Variants in PCDH15 observed in about 807,000 individuals in gnomAD.
PCDH15 encodes protocadherin related 15.
Under a neutral mutation model 178.5 loss-of-function variants are expected in PCDH15, and 129 were observed. The observed-to-expected ratio is 0.72, with a 90% CI of 0.63 to 0.84. PCDH15 has a LOEUF of 0.84. Among genes scored for constraint, PCDH15 ranks in the 40% least tolerant of loss-of-function variants. The pLI is 0.00. For missense variants in PCDH15, 2,230 were observed against 2,099.9 expected (o/e 1.06, Z -1.21); for synonymous variants, 800 against 732.0 (o/e 1.09, Z -1.50).
rs746393810 is a variant in PCDH15, at chr10:53,822,138, G to T, written c.4368-1908C>A. ...ACACACTGTCGTTGTTGATAGCTGT[G>T]TCATAGAGGACTTAATTTTCTCGGC... On this transcript the variant is annotated intron_variant, in intron 32 of 37. Coordinates refer to ENST00000644397, the MANE Select transcript of PCDH15 (RefSeq NM_001384140.1). 3.1e-6 allele frequency: 5 copies of T among 1,614,034 alleles called. No individual in the cohort carries two copies. In the South Asian group the frequency reaches 3.3e-5, roughly 11 times the overall value.
At chr10:55,495,249 A>T (rs1056001038) in intron 2 of PCDH15, among the ~76,000 whole-genome samples, 1 of 151,790 alleles carries the variant, frequency 6.6e-6, no homozygotes, top group African/African-American at 2.4e-5. Context: ...AAATATACAT[A>T]AACATATATA....
chr10:55,145,615 T>C (rs1838485938), intron 2 of PCDH15, among the ~76,000 whole-genome samples: 1 of 152,014 alleles, frequency 6.6e-6, no homozygotes, highest in African/African-American at 2.4e-5. Context: ...GTTGTGTGTT[T>C]TGGAAGTAGA....
At chr10:55,091,822 T>C (rs1286148880) in intron 2 of PCDH15, among the ~76,000 whole-genome samples, 82 of 151,904 alleles carry the variant, frequency 5.4e-4, no homozygotes, top group Non-Finnish European at 1.5e-4. Flanking sequence ...ACTCCTGTAA[T>C]TTTGATACAA....
At chr10:55,014,243 C>A (rs1840117050) in intron 2 of PCDH15, among the ~76,000 whole-genome samples, 1 of 151,922 alleles carries the variant, frequency 6.6e-6, no homozygotes, top group African/African-American at 2.4e-5. Flanking sequence ...ATAGCAATAA[C>A]TTATGCTACA....
intron 2 of PCDH15, among the ~76,000 whole-genome samples, chr10:55,626,637 A>G (rs759612151): frequency 1.1e-4 from 17 of 152,312 alleles, no homozygotes; most frequent in Non-Finnish European, 1.9e-4. Flanking sequence ...ATTTCCCCAC[A>G]GTTCAAAAAT....
intron 1 of PCDH15, among the ~76,000 whole-genome samples, chr10:54,741,495 TG>T (rs1002526217): frequency 1.3e-5 from 2 of 151,870 alleles, no homozygotes; most frequent in Admixed American, 1.3e-4. Flanking sequence ...AAGAATGGGG[TG>T]GTAGATTCCT....
rs1564869395 is a variant in PCDH15 at position 53,961,800 on chromosome 10, T to C, written c.2961A>G (p.Arg987=). ...CATTAAGATTGACTCGTGTTATTAC[T>C]CTTCCAGAATCTTCTTCCACTTCAA... ...SIFEVEEDSG[R]VITRVNLNEE... The change falls in exon 22 of 38, where the codon AGA becomes AGG. Residue 987 remains arginine, a synonymous_variant. Transcript: ENST00000644397. 6.2e-7 allele frequency: 1 copy of C among 1,611,618 alleles called. No homozygotes were observed. The highest frequency in any genetic ancestry group is 2.2e-5 in the East Asian group (1 of 44,688).
intron 1 of PCDH15, among the ~76,000 whole-genome samples, chr10:54,760,122 T>G (rs1566155860): frequency 6.6e-6 from 1 of 152,208 alleles, no homozygotes; most frequent in Non-Finnish European, 1.5e-5. Context: ...TTCAGGAATT[T>G]TAATGAGTAC....
chr10:55,342,732 G>A (rs1386108658), intron 2 of PCDH15, among the ~76,000 whole-genome samples: 1 of 152,118 alleles, frequency 6.6e-6, no homozygotes, highest in Non-Finnish European at 1.5e-5. Context: ...AATTCTCCCA[G>A]TGTCTCACAG....
chr10:55,380,859 A>G (rs1304642522), intron 2 of PCDH15, among the ~76,000 whole-genome samples: 1 of 152,182 alleles, frequency 6.6e-6, no homozygotes, highest in Non-Finnish European at 1.5e-5. Flanking sequence ...CAGACCCTTC[A>G]CAGTCATTGA....
chr10:54,459,405 T>C lies in PCDH15; in HGVS notation c.157+68407A>G, dbSNP rs558569920. Among the ~76,000 whole-genome samples, 336 of 151,978 alleles carry C rather than the reference T, an allele frequency of 2.2e-3. 1 individual carries two copies. Among genetic ancestry groups the C allele is most frequent in the African/African-American group, 7.6e-3 (313 of 41,332 alleles). On this transcript the variant is annotated intron_variant, in intron 3 of 37. Transcript: ENST00000644397. ...GAATTATGTCATAGGAACTTGACTC[T>C]TGTTTATATCAATTACCCTATGATC... is the stretch of plus-strand genomic sequence containing the variant.
At chr10:55,069,997 G>A (rs1591876785) in intron 2 of PCDH15, among the ~76,000 whole-genome samples, 1 of 152,040 alleles carries the variant, frequency 6.6e-6, no homozygotes, top group East Asian at 1.9e-4. Context: ...GTATCTCATT[G>A]TGGTTTTGAT....
At chr10:55,089,914 A>G (rs1053191545) in intron 2 of PCDH15, among the ~76,000 whole-genome samples, 2 of 151,932 alleles carry the variant, frequency 1.3e-5, no homozygotes, top group Non-Finnish European at 2.9e-5. Flanking sequence ...TTCACAATAC[A>G]CCCCTTACAA....
intron 2 of PCDH15, among the ~76,000 whole-genome samples, chr10:55,068,638 C>T (rs1008777043): frequency 2.0e-5 from 3 of 151,822 alleles, no homozygotes; most frequent in Non-Finnish European, 4.4e-5. Flanking sequence ...AATGATAGTG[C>T]TATTTTCATA....
intron 3 of PCDH15, among the ~76,000 whole-genome samples, chr10:54,879,718 T>G (rs958260743): frequency 1.3e-5 from 2 of 151,398 alleles, no homozygotes; most frequent in Non-Finnish European, 2.9e-5. Context: ...ATATAGTTCA[T>G]AATGAAATTC....
chr10:53,953,939 G>C (rs1015610004), intron 23 of PCDH15, among the ~76,000 whole-genome samples: 1 of 152,020 alleles, frequency 6.6e-6, no homozygotes, highest in Admixed American at 6.5e-5. Flanking sequence ...ATGGGCACCC[G>C]CCACCATGCC....
At chr10:54,122,032 C>CACACACACACACAG (rs1239258516) in intron 15 of PCDH15, among the ~76,000 whole-genome samples, 20 of 142,092 alleles carry the variant, frequency 1.4e-4, no homozygotes, top group African/African-American at 4.7e-4. Context: ...CACACACACA[C>CACACACACACACAG]AGAGACAGAC....
chr10:54,209,780 A>G (rs75246874), intron 10 of PCDH15, among the ~76,000 whole-genome samples: 6,535 of 152,202 alleles, frequency 0.043, 178 homozygotes, highest in Middle Eastern at 0.085. Context: ...AGCAAATGTC[A>G]TATGCTTTAA....
intron 2 of PCDH15, among the ~76,000 whole-genome samples, chr10:54,899,620 C>T (rs1954609259): frequency 6.6e-6 from 1 of 151,976 alleles, no homozygotes; most frequent in African/African-American, 2.4e-5. Context: ...CCTCAGCCTC[C>T]CAGGTAGCTG....
Sources: allele counts gnomAD v4.1 joint callset (sites outside exome capture counted in the v4.1 genomes callset), GRCh38; gene constraint gnomAD v4.1.1; transcripts MANE v1.5; gene names NCBI Gene and HGNC (gene_info 2026-07-23, HGNC 2026-07-21).